CACNB4: variants seen among roughly 807,000 people sequenced by gnomAD.
CACNB4 encodes the protein voltage-dependent L-type calcium channel subunit beta-4.
Under a neutral mutation model 71.2 loss-of-function variants are expected in CACNB4, and 32 were observed. The observed-to-expected ratio is 0.45, with a 90% CI of 0.34 to 0.60. The LOEUF (loss-of-function observed/expected upper bound fraction) is 0.60, where lower values mean the gene tolerates loss of function less well. CACNB4 is among the 20% of genes least tolerant of loss of function. The pLI is 0.01. For synonymous variants in CACNB4, 231 were observed against 236.9 expected, an observed-to-expected ratio of 0.97 and a Z score of 0.23; for missense variants, 464 against 647.9, an observed-to-expected ratio of 0.72 and a Z score of 3.08.
At chr2:151,979,653 C>T (rs1391131356) in intron 2 of CACNB4, among the ~76,000 whole-genome samples, 3 of 152,262 alleles carry the variant, frequency 2.0e-5, no homozygotes, top group East Asian at 1.9e-4. Flanking sequence ...ATTACAGCTT[C>T]GAATTGTTGA....
At chr2:152,075,288 C>T (rs1479202270) in intron 2 of CACNB4, among the ~76,000 whole-genome samples, 1 of 152,206 alleles carries the variant, frequency 6.6e-6, no homozygotes, top group Admixed American at 6.5e-5. Flanking sequence ...AACAGCTCTG[C>T]TGGTGTTGCT....
intron 2 of CACNB4, among the ~76,000 whole-genome samples, chr2:151,989,606 TCA>T (rs1681572768): frequency 2.0e-5 from 3 of 152,290 alleles, no homozygotes; most frequent in African/African-American, 4.8e-5. Flanking sequence ...CTCTCAAATT[TCA>T]CAGTTTCACC....
chr2:152,013,683 C>T (rs898782097), intron 2 of CACNB4, among the ~76,000 whole-genome samples: 1 of 152,192 alleles, frequency 6.6e-6, no homozygotes, highest in Non-Finnish European at 1.5e-5. Flanking sequence ...CTTTGAACCT[C>T]TTCATGCAAC....
chr2:152,047,650 T>C (rs1029535277), intron 2 of CACNB4, among the ~76,000 whole-genome samples: 2 of 152,266 alleles, frequency 1.3e-5, no homozygotes, highest in South Asian at 4.1e-4. Context: ...TCCCAGCACT[T>C]TGAGAGGCCA....
At chr2:151,950,203 T>TA (rs1291237630) in intron 2 of CACNB4, among the ~76,000 whole-genome samples, 1 of 151,744 alleles carries the variant, frequency 6.6e-6, no homozygotes, top group African/African-American at 2.4e-5. Context: ...GGGGAGACAT[T>TA]AAAAAAAACC....
At chr2:151,880,975 T>G (rs1485601178) in intron 3 of CACNB4, 53 bp from the exon 4 acceptor site, 9 of 1,523,724 alleles carry the variant, frequency 5.9e-6, no homozygotes, top group Non-Finnish European at 8.0e-6. Flanking sequence ...AGAGGAGCAT[T>G]TTTCATATTG....
At chr2:151,872,519 A>T (rs1159220067) in intron 5 of CACNB4, 26 bp from the exon 6 acceptor site, 1 of 1,239,118 alleles carries the variant, frequency 8.1e-7, no homozygotes, top group Non-Finnish European at 1.2e-6. Flanking sequence ...GGAACTAAAG[A>T]CTCACTCCCC....
At chr2:152,026,608 G>A (rs1354957491) in intron 2 of CACNB4, among the ~76,000 whole-genome samples, 1 of 152,152 alleles carries the variant, frequency 6.6e-6, no homozygotes, top group East Asian at 1.9e-4. Context: ...TCGAACTCCT[G>A]ACCTCAGGTG....
chr2:151,845,608 T>A (rs1323946298), intron 12 of CACNB4, among the ~76,000 whole-genome samples: 1 of 152,260 alleles, frequency 6.6e-6, no homozygotes, highest in South Asian at 2.1e-4. Flanking sequence ...CTATGCAATA[T>A]GTGGCCTGCA....
Position 152,098,749 on chromosome 2 carries a change from GAGGAGGAGGAAGAGA to G in CACNB4, c.63+185_63+199del. 1 of 1,492,352 alleles carries G rather than the reference GAGGAGGAGGAAGAGA, an allele frequency of 6.7e-7. No individual in the cohort carries two copies. Among genetic ancestry groups the G allele is most frequent in the Non-Finnish European group, 9.1e-7 (1 of 1,100,950 alleles). 92.4% of individuals were successfully genotyped at this position (1,492,352 alleles called of 1,614,324 possible). A position where few individuals can be genotyped will look rare whatever the true frequency, so the allele number is the denominator to read the frequency against. On this transcript the variant is annotated intron_variant, in intron 1 of 13. Transcript: ENST00000539935. This position sits in a 1 kb window ranked among gnomAD's most constrained non-coding sequence, Gnocchi z 5.3. The stretch of plus-strand genomic sequence containing the variant: ...GCGCAGAGACCCGAAGGAGGGTGAG[GAGGAGGAGGAAGAGA>G]AGGAGGAGAAAGAGGAGGAGCGGGA...
At chr2:152,067,437 C>T (rs912192259) in intron 2 of CACNB4, among the ~76,000 whole-genome samples, 1 of 151,776 alleles carries the variant, frequency 6.6e-6, no homozygotes, top group Non-Finnish European at 1.5e-5. Flanking sequence ...TCTTGAACTC[C>T]TGGACTCAAG....
chr2:151,860,589 A>T, intron 10 of CACNB4, 122 bp downstream of exon 10: 1 of 714,788 alleles, frequency 1.4e-6, no homozygotes, highest in Non-Finnish European at 2.5e-6. Context: ...CATTCTTTTT[A>T]GGTACTCAGT....
intron 2 of CACNB4, among the ~76,000 whole-genome samples, chr2:151,909,854 G>C (rs1250290476): frequency 6.6e-6 from 1 of 152,116 alleles, no homozygotes; most frequent in African/African-American, 2.4e-5. Flanking sequence ...TGTAAATCGT[G>C]CTGCAATAAA....
At position 151,839,396 on chromosome 2, in the gene CACNB4, G is replaced by A. The variant is rs1245727988; in HGVS notation, c.1303-17C>T. 6.3e-7 allele frequency: 1 copy of A among 1,579,782 alleles called. No homozygotes were observed. The highest frequency in any genetic ancestry group is 8.7e-7 in the Non-Finnish European group (1 of 1,153,944). ...TCGCTGACTCTAAAAATATCAGATA[G>A]TTCATTGATTAAATAATGTCAGCTT... On this transcript the variant is annotated splice_polypyrimidine_tract_variant and intron_variant, in intron 13 of 13. Coordinates refer to ENST00000539935, the MANE Select transcript of CACNB4 (RefSeq NM_000726.5).
intron 2 of CACNB4, among the ~76,000 whole-genome samples, chr2:152,013,654 C>T (rs542463180): frequency 6.6e-6 from 1 of 152,280 alleles, no homozygotes; most frequent in African/African-American, 2.4e-5. Flanking sequence ...ACCCTTCCCC[C>T]AGGATATAGA....
rs147176894 is a variant in CACNB4 at position 152,093,490 on chromosome 2, T to C, written c.147+4840A>G. ...TGTTGCACCCCATCAAAAGATAGTC[T>C]GTTTTCTCTTTTGTTGCAACTGAGC... On this transcript the variant is annotated intron_variant, in intron 2 of 13. Coordinates refer to ENST00000539935, the MANE Select transcript of CACNB4 (RefSeq NM_000726.5). Among the ~76,000 whole-genome samples the C allele has an allele frequency of 3.0e-4, 46 of 152,124 alleles. No individual in the cohort carries two copies. In the East Asian group the frequency reaches 7.2e-3, roughly 24 times the overall value.
At chr2:151,855,999 A>C (rs1294780804) in intron 10 of CACNB4, among the ~76,000 whole-genome samples, 1 of 142,914 alleles carries the variant, frequency 7.0e-6, no homozygotes, top group Non-Finnish European at 1.6e-5. Flanking sequence ...TTCAGTATTA[A>C]AAAAAAAAAA....
chr2:151,959,821 A>G (rs1257349652), intron 2 of CACNB4, among the ~76,000 whole-genome samples: 2 of 152,194 alleles, frequency 1.3e-5, no homozygotes, highest in African/African-American at 4.8e-5. Flanking sequence ...TTCAATCTTA[A>G]TAAAGTCCTG....
rs148448229 is a variant in CACNB4, at chr2:151,846,053, C to T, written c.1117-3965G>A. 6.4e-3 allele frequency among the ~76,000 whole-genome samples: 979 copies of T among 152,246 alleles called. 5 individuals carry two copies. Among genetic ancestry groups the T allele is most frequent in the African/African-American group, 0.021 (871 of 41,558 alleles). On this transcript the variant is annotated intron_variant, in intron 12 of 13. Transcript: ENST00000539935. ...AAACTGAATAAAATGGAAATGAATA[C>T]TTGCAAGGTCTTTAAAAAAAAGTAT...
Sources: gnomAD v4.1 joint callset for allele counts (sites outside exome capture counted in the v4.1 genomes callset) on GRCh38, gnomAD v4.1.1 for gene constraint, Gnocchi (gnomAD v3.1) non-coding constraint, MANE v1.5 for transcripts, NCBI Gene and HGNC (gene_info 2026-07-23, HGNC 2026-07-21) for gene names.